NR2F6: variants seen among roughly 807,000 people sequenced by gnomAD.
NR2F6 encodes ERBA-related gene-2.
Under a neutral mutation model 26.5 loss-of-function variants are expected in NR2F6, and 16 were observed. The observed-to-expected ratio is 0.60, with a 90% CI of 0.41 to 0.92. NR2F6 has a LOEUF of 0.92. NR2F6 is among the 40% of genes least tolerant of loss of function. The pLI, the probability that NR2F6 is intolerant of heterozygous loss-of-function variation, is 0.00. For synonymous variants in NR2F6, 325 were observed against 305.0 expected, an observed-to-expected ratio of 1.07 and a Z score of -0.68; for missense variants, 536 against 631.7, an observed-to-expected ratio of 0.85 and a Z score of 1.62.
chr19:17,245,160 C>T lies in NR2F6; in HGVS notation c.61G>A (p.Ala21Thr). Residue 21 changes from alanine (A) to threonine (T), a missense_variant, in exon 1 of 4, where the codon GCG (alanine) becomes ACG (threonine). Coordinates refer to ENST00000291442, the MANE Select transcript of NR2F6 (RefSeq NM_005234.4). This position sits in a 1 kb window ranked among gnomAD's most constrained non-coding sequence, Gnocchi z 5.0. ...TCGGCCGCGCGCGGGTAGCCGCCCG[C>T]CTTGTCCACGCCGTTCGTGTCGCCG... ...PGGDTNGVDK[A>T]GGYPRAAEDD... The T allele has an allele frequency of 9.8e-6, 14 of 1,434,590 alleles. No homozygotes were observed. Among genetic ancestry groups the T allele is most frequent in the Non-Finnish European group, 1.3e-5 (14 of 1,096,098 alleles). 88.9% of individuals were successfully genotyped at this position (1,434,590 alleles called of 1,614,324 possible). A position where few individuals can be genotyped will look rare whatever the true frequency, so the allele number is the denominator to read the frequency against.
At chr19:17,240,835 G>T in intron 1 of NR2F6, 70 bp from the exon 2 acceptor site, 1 of 1,450,436 alleles carries the variant, frequency 6.9e-7, no homozygotes, top group Non-Finnish European at 9.5e-7. Flanking sequence ...CCTATGAGCC[G>T]CCTTTGGAGG....
chr19:17,235,509 G>A lies in NR2F6; in HGVS notation c.930C>T (p.Leu310=). 6.3e-7 allele frequency: 1 copy of A among 1,589,694 alleles called. No homozygotes were observed. ...AEYGCLKAIA[L]FTPDACGLSD... is the part of the protein sequence containing the mutation. ...CGGAGCGTGGCTCACCGGGCGTGAA[G>A]AGCGCGATGGCCTTGAGGCAGCCAT... is the stretch of plus-strand genomic sequence containing the variant. Residue 310 remains leucine (L), a synonymous_variant, in exon 3 of 4, where the codon CTC becomes CTT. Coordinates refer to ENST00000291442, the MANE Select transcript of NR2F6 (RefSeq NM_005234.4). This position sits in a 1 kb window ranked among gnomAD's most constrained non-coding sequence, Gnocchi z 5.0.
Position 17,244,933 on chromosome 19 carries a change from G to C in NR2F6, c.278+10C>G, listed in dbSNP as rs1458742656. ...GGTGCACGGCGGCGGCGCGCGGATG[G>C]GGGGCTCACCGGCAGGTGTAGCTGA... On this transcript the variant is annotated intron_variant, in intron 1 of 3. Coordinates refer to ENST00000291442, the MANE Select transcript of NR2F6 (RefSeq NM_005234.4). The C allele has an allele frequency of 5.1e-6, 8 of 1,563,914 alleles. No individual in the cohort carries two copies. Among genetic ancestry groups the C allele is most frequent in the Middle Eastern group, 1.7e-4 (1 of 5,862 alleles).
chr19:17,240,627 C>T (rs1439649547), intron 2 of NR2F6, 44 bp downstream of exon 2: 1 of 1,592,404 alleles, frequency 6.3e-7, no homozygotes, highest in African/African-American at 1.3e-5. Flanking sequence ...ACCCCGGCTC[C>T]AGCGGCTGTG....
chr19:17,236,608 G>A (rs1042459077), intron 2 of NR2F6, among the ~76,000 whole-genome samples: 9 of 152,258 alleles, frequency 5.9e-5, no homozygotes, highest in Admixed American at 1.3e-4. Flanking sequence ...TGGGGACCCT[G>A]GCCAGCTTGG....
At chr19:17,241,258 G>A (rs919023685) in intron 1 of NR2F6, among the ~76,000 whole-genome samples, 18 of 152,186 alleles carry the variant, frequency 1.2e-4, no homozygotes, top group Admixed American at 9.2e-4. Context: ...AGGGGCTAGT[G>A]GTCTGTGGGG....
intron 3 of NR2F6, among the ~76,000 whole-genome samples, chr19:17,233,593 T>C (rs1016379084): frequency 1.3e-4 from 20 of 152,090 alleles, no homozygotes; most frequent in African/African-American, 4.8e-4. Flanking sequence ...TGCCTCCGGG[T>C]TCAAGTGATT....
At position 17,232,183 on chromosome 19, in the gene NR2F6, G is replaced by T; in HGVS notation, c.*169C>A. ...ATGATCAGTCTCTTTTTGGTTTCAT[G>T]ATCATTTAAAAAACAGAAAAGACAA... On this transcript the variant is annotated 3_prime_UTR_variant, in exon 4 of 4. Transcript: ENST00000291442. 2.0e-6 allele frequency: 2 copies of T among 989,012 alleles called. No homozygotes were observed. The highest frequency in any genetic ancestry group is 1.4e-6 in the Non-Finnish European group (1 of 691,908). 61.3% of individuals were successfully genotyped at this position (989,012 alleles called of 1,614,324 possible). A position where few individuals can be genotyped will look rare whatever the true frequency, so the allele number is the denominator to read the frequency against.
intron 2 of NR2F6, among the ~76,000 whole-genome samples, 180 bp downstream of exon 2, chr19:17,240,491 C>T (rs551154232): frequency 1.8e-4 from 28 of 152,310 alleles, no homozygotes; most frequent in Admixed American, 8.5e-4. Context: ...CTGCAGCCCA[C>T]GGGATCAAGG....
intron 1 of NR2F6, among the ~76,000 whole-genome samples, chr19:17,242,659 A>G (rs575148969): frequency 3.3e-5 from 5 of 152,144 alleles, no homozygotes; most frequent in Non-Finnish European, 5.9e-5. Context: ...AACCAGAACA[A>G]AGCCCAGCGG....
chr19:17,241,496 G>A (rs2073469008), intron 1 of NR2F6, among the ~76,000 whole-genome samples: 1 of 152,228 alleles, frequency 6.6e-6, no homozygotes, highest in Non-Finnish European at 1.5e-5. Flanking sequence ...GAGAGGTGGT[G>A]AGCTCCCCAT....
chr19:17,245,276 C>A lies in NR2F6; in HGVS notation c.-56G>T. 8.3e-7 allele frequency: 1 copy of A among 1,198,072 alleles called. No homozygotes were observed. The highest frequency in any genetic ancestry group is 1.0e-6 in the Non-Finnish European group (1 of 966,678). The allele number at this position is 1,198,072 out of a possible 1,614,324, so 74.2% of individuals were successfully genotyped here. A position where few individuals can be genotyped will look rare whatever the true frequency, so the allele number is the denominator to read the frequency against. ...CACCGCGCTCTTCCCTCCGGGCACC[C>A]CTCTCGGCCCGGGGGACCCTACGCG... On this transcript the variant is annotated 5_prime_UTR_variant, in exon 1 of 4. Coordinates refer to ENST00000291442, the MANE Select transcript of NR2F6 (RefSeq NM_005234.4). The surrounding 1 kb of genome is among the most constrained non-coding windows in gnomAD (Gnocchi z 5.0).
At chr19:17,242,860 T>C (rs1455291491) in intron 1 of NR2F6, among the ~76,000 whole-genome samples, 1 of 152,188 alleles carries the variant, frequency 6.6e-6, no homozygotes, top group Non-Finnish European at 1.5e-5. Context: ...AAGTTCTTCC[T>C]GTTATCCCAC....
rs2145563598 is a variant in NR2F6, at chr19:17,235,183, G to A, written c.940+316C>T. Among the ~76,000 whole-genome samples, 1 of 152,356 alleles carries A rather than the reference G, an allele frequency of 6.6e-6. No individual in the cohort carries two copies. Among genetic ancestry groups the A allele is most frequent in the South Asian group, 2.1e-4 (1 of 4,828 alleles). ...TGAAGAGCCCTTTGGTGAGGGAGTA[G>A]GGGTCTCAGGGAGCCTGGGAACAGG... On this transcript the variant is annotated intron_variant, in intron 3 of 3. Transcript: ENST00000291442. The surrounding 1 kb of genome is among the most constrained non-coding windows in gnomAD (Gnocchi z 5.0).
In NR2F6 at chr19:17,232,237, T is replaced by A; in HGVS notation, c.*115A>T. ...TTTCACAGTCTTTAAAAAATAGAAG[T>A]CTGAGGAGAGAAGCCAGAGTCCTGG... On this transcript the variant is annotated 3_prime_UTR_variant, in exon 4 of 4. Coordinates refer to ENST00000291442, the MANE Select transcript of NR2F6 (RefSeq NM_005234.4). 1 of 1,369,144 alleles carries A rather than the reference T, an allele frequency of 7.3e-7. No individual in the cohort carries two copies. Among genetic ancestry groups the A allele is most frequent in the Non-Finnish European group, 1.0e-6 (1 of 1,002,056 alleles). 84.8% of individuals were successfully genotyped at this position (1,369,144 alleles called of 1,614,324 possible).
At position 17,236,015 on chromosome 19, in the gene NR2F6, A is replaced by C. The variant is rs1284228286; in HGVS notation, c.424T>G (p.Ser142Ala). 6.5e-6 allele frequency: 9 copies of C among 1,377,282 alleles called. No individual in the cohort carries two copies. Among genetic ancestry groups the C allele is most frequent in the East Asian group, 3.3e-5 (1 of 30,610 alleles). The allele number at this position is 1,377,282 out of a possible 1,614,324, so 85.3% of individuals were successfully genotyped here. Residue 142 changes from serine to alanine, a missense_variant, in exon 3 of 4, where the codon TCC becomes GCC. Coordinates refer to ENST00000291442, the MANE Select transcript of NR2F6 (RefSeq NM_005234.4). ...GCCGAGCCCGGGGGGCTGCCCGAGG[A>C]GGCGGCCACGGCACCAGGCAGCGAG... Reference protein sequence around the residue: ...PHSLPGAVAASSGSPPGSALA... With the variant: ...PHSLPGAVAAASGSPPGSALA...
Position 17,245,001 on chromosome 19 carries a change from C to G in NR2F6, c.220G>C (p.Glu74Gln). The G allele has an allele frequency of 6.3e-7, 1 of 1,591,772 alleles. No individual in the cohort carries two copies. The highest frequency in any genetic ancestry group is 8.5e-7 in the Non-Finnish European group (1 of 1,169,810). The change falls in exon 1 of 4, where the codon GAG becomes CAG. Residue 74 changes from glutamate to glutamine, a missense_variant. By Grantham distance (29) the Glu-to-Gln change is conservative. Coordinates refer to ENST00000291442, the MANE Select transcript of NR2F6 (RefSeq NM_005234.4). This position sits in a 1 kb window ranked among gnomAD's most constrained non-coding sequence, Gnocchi z 5.0. ...SGKHYGVFTC[E>Q]GCKSFFKRSI... ...CGCTTGAAAAAGCTCTTGCAGCCCT[C>G]GCAGGTGAAGACACCGTAATGCTTG...
In NR2F6 at chr19:17,245,242, G is replaced by T; in HGVS notation, c.-22C>A. The T allele has an allele frequency of 8.0e-7, 1 of 1,244,322 alleles. No homozygotes were observed. Among genetic ancestry groups the T allele is most frequent in the South Asian group, 3.1e-5 (1 of 32,486 alleles). 77.1% of individuals were successfully genotyped at this position (1,244,322 alleles called of 1,614,324 possible). ...CCATAGCCCCAGGGCAGCGGGGCCGGGGCGCCCCCACCGCGCTCTTCCCTC... is the reference window on the plus strand; with the variant it reads ...CCATAGCCCCAGGGCAGCGGGGCCGTGGCGCCCCCACCGCGCTCTTCCCTC... On this transcript the variant is annotated 5_prime_UTR_variant, in exon 1 of 4. Coordinates refer to ENST00000291442, the MANE Select transcript of NR2F6 (RefSeq NM_005234.4). This position sits in a 1 kb window ranked among gnomAD's most constrained non-coding sequence, Gnocchi z 5.0.
chr19:17,232,625 G>T lies in NR2F6; in HGVS notation c.942C>A (p.Asp314Glu). ...CLKAIALFTP[D>E]ACGLSDPAHV... ...GGGCCGGGTCTGAGAGGCCACAGGCGTCTAGGGGGACAAAGGCAAGTCAGA... is the reference window on the plus strand; with the variant it reads ...GGGCCGGGTCTGAGAGGCCACAGGCTTCTAGGGGGACAAAGGCAAGTCAGA... The change falls in exon 4 of 4, where the codon GAC becomes GAA. Residue 314 changes from aspartate (D) to glutamate (E), a missense_variant and splice_region_variant. Transcript: ENST00000291442. The T allele has an allele frequency of 6.5e-7, 1 of 1,530,582 alleles. No individual in the cohort carries two copies. 94.8% of individuals were successfully genotyped at this position (1,530,582 alleles called of 1,614,324 possible).
Sources: allele counts gnomAD v4.1 joint callset (sites outside exome capture counted in the v4.1 genomes callset), GRCh38; gene constraint gnomAD v4.1.1; non-coding constraint Gnocchi (gnomAD v3.1); transcripts MANE v1.5; gene names NCBI Gene and HGNC (gene_info 2026-07-23, HGNC 2026-07-21).